The following RPS6KL1 variants were observed in gnomAD, a reference collection of about 807,000 sequenced individuals.
RPS6KL1 encodes the protein ribosomal protein S6 kinase-like 1.
In RPS6KL1, 41 loss-of-function variants were observed where a neutral mutation model predicts 57.0. The ratio of observed to expected loss-of-function variants is 0.72; its 90% CI spans 0.56 to 0.93. The LOEUF (loss-of-function observed/expected upper bound fraction) is 0.93, where lower values mean the gene tolerates loss of function less well. RPS6KL1 is among the 40% of genes least tolerant of loss of function. The pLI is 0.00. For synonymous variants in RPS6KL1, 287 were observed against 309.7 expected (o/e 0.93, Z 0.77); for missense variants, 697 against 727.7 (o/e 0.96, Z 0.49).
intron 10 of RPS6KL1, 72 bp from the exon 11 acceptor site, chr14:74,907,602 T>A: frequency 2.1e-6 from 3 of 1,412,650 alleles, no homozygotes; most frequent in Non-Finnish European, 2.8e-6. Context: ...GCAGCCAGGA[T>A]TTTTTTTCCC....
intron 2 of RPS6KL1, 154 bp downstream of exon 2, chr14:74,921,824 C>CTGGAT: frequency 9.8e-7 from 1 of 1,017,742 alleles, no homozygotes. Context: ...GTCACCCAGG[C>CTGGAT]TGGATTGCAG....
rs749978246 is a variant in RPS6KL1, at chr14:74,907,006, C to G, written c.*8G>C. On this transcript the variant is annotated 3_prime_UTR_variant, in exon 12 of 12. Transcript: ENST00000557413. ...AGGCCAGCTGCTTCCGTCACCCGCT[C>G]TGCCCTCTTACCCCACCAGCTTGCT... The G allele has an allele frequency of 8.8e-6, 14 of 1,599,192 alleles. No individual in the cohort carries two copies. Among genetic ancestry groups the G allele is most frequent in the Non-Finnish European group, 1.2e-5 (14 of 1,169,502 alleles).
rs1462490106 is a variant in RPS6KL1, at chr14:74,906,914, C to G, written c.*100G>C. On this transcript the variant is annotated 3_prime_UTR_variant, in exon 12 of 12. Coordinates refer to ENST00000557413, the MANE Select transcript of RPS6KL1 (RefSeq NM_031464.5). ...CAGACAGTGCCCTCCATTCCTCGCCCAAAGCCCGCTGATAGAGGGCCAGCC... is the reference window on the plus strand; with the variant it reads ...CAGACAGTGCCCTCCATTCCTCGCCGAAAGCCCGCTGATAGAGGGCCAGCC... 55 of 946,452 alleles carry G rather than the reference C, an allele frequency of 5.8e-5. No individual in the cohort carries two copies. Among genetic ancestry groups the G allele is most frequent in the Admixed American group, 1.8e-5 (1 of 57,038 alleles). The allele number at this position is 946,452 out of a possible 1,614,324, so 58.6% of individuals were successfully genotyped here.
Position 74,914,009 on chromosome 14 carries a change from G to A in RPS6KL1, c.484-2168C>T, listed in dbSNP as rs181186151. On this transcript the variant is annotated intron_variant, in intron 5 of 11. Coordinates refer to ENST00000557413, the MANE Select transcript of RPS6KL1 (RefSeq NM_031464.5). Reference sequence around the variant, plus strand: ...ACCTGAACCCAGACAGGCTGATCCCGGAGCCCTGCAGACTTTACTGGAACT... The same window carrying A: ...ACCTGAACCCAGACAGGCTGATCCCAGAGCCCTGCAGACTTTACTGGAACT... 2.9e-3 allele frequency among the ~76,000 whole-genome samples: 435 copies of A among 152,318 alleles called. 8 individuals are homozygous for A. The South Asian group carries it at 0.03, about 11-fold the overall frequency.
intron 2 of RPS6KL1, 180 bp from the exon 3 acceptor site, chr14:74,921,741 T>C (rs1001660455): frequency 1.1e-4 from 154 of 1,419,222 alleles, no homozygotes; most frequent in Non-Finnish European, 1.3e-4. Context: ...GTGGTAATGA[T>C]AGAATCATAA....
rs1884729268 is a variant in RPS6KL1, at chr14:74,905,928, T to A, written c.*1086A>T. The stretch of plus-strand genomic sequence containing the variant: ...CTCTAGTGGAAATTTCCCAGGTCGG[T>A]CCCACGCCCCGGTGACAGGGTGAAC... On this transcript the variant is annotated 3_prime_UTR_variant, in exon 12 of 12. Transcript: ENST00000557413. 1 of 153,212 alleles carries A rather than the reference T, an allele frequency of 6.5e-6. No individual in the cohort carries two copies. The highest frequency in any genetic ancestry group is 1.5e-5 in the Non-Finnish European group (1 of 68,792). 9.5% of individuals were successfully genotyped at this position (153,212 alleles called of 1,614,324 possible). A position where few individuals can be genotyped will look rare whatever the true frequency, so the allele number is the denominator to read the frequency against.
rs1170606058 is a variant in RPS6KL1, at chr14:74,909,894, T to C, written c.919A>G (p.Thr307Ala). Reference protein sequence around the residue: ...RPQREAEGEPTARTSTSGSSD... With the variant: ...RPQREAEGEPAARTSTSGSSD... ...GAGCCAGAGGTGCTGGTCCTGGCTGTGGGTTCACCTTCAGCCTCCCTCTGG... is the reference window on the plus strand; with the variant it reads ...GAGCCAGAGGTGCTGGTCCTGGCTGCGGGTTCACCTTCAGCCTCCCTCTGG... Residue 307 changes from threonine (T) to alanine (A), a missense_variant, in exon 8 of 12, where the codon ACA (threonine) becomes GCA (alanine). Physicochemically the swap from Thr to Ala is moderately conservative, Grantham distance 58. Transcript: ENST00000557413. The C allele has an allele frequency of 4.3e-6, 7 of 1,613,898 alleles. No individual in the cohort carries two copies. The East Asian group carries it at 1.3e-4, about 31-fold the overall frequency.
intron 4 of RPS6KL1, among the ~76,000 whole-genome samples, chr14:74,918,940 C>T (rs926872700): frequency 6.6e-5 from 10 of 152,180 alleles, no homozygotes; most frequent in Non-Finnish European, 1.3e-4. Flanking sequence ...CTTTGGGAGG[C>T]CGAGGCGGGC....
chr14:74,906,653 T>C lies in RPS6KL1; in HGVS notation c.*361A>G, dbSNP rs757155760. 3.8e-6 allele frequency: 2 copies of C among 529,496 alleles called. No individual in the cohort carries two copies. The highest frequency in any genetic ancestry group is 7.7e-6 in the Non-Finnish European group (2 of 260,648). The allele number at this position is 529,496 out of a possible 1,614,324, so 32.8% of individuals were successfully genotyped here. A position where few individuals can be genotyped will look rare whatever the true frequency, so the allele number is the denominator to read the frequency against. On this transcript the variant is annotated 3_prime_UTR_variant, in exon 12 of 12. Coordinates refer to ENST00000557413, the MANE Select transcript of RPS6KL1 (RefSeq NM_031464.5). ...GGGGCACAACATGGCAGTGAGTGAG[T>C]CACAGAACCTCACAGTAGGGTGCAG...
chr14:74,917,602 C>A (rs1244702787), intron 5 of RPS6KL1, among the ~76,000 whole-genome samples: 3 of 152,166 alleles, frequency 2.0e-5, no homozygotes, highest in Non-Finnish European at 2.9e-5. Flanking sequence ...TCTGATTTGA[C>A]CTCATTGTCT....
At chr14:74,914,420 A>C (rs374207422) in intron 5 of RPS6KL1, among the ~76,000 whole-genome samples, 15 of 152,356 alleles carry the variant, frequency 9.8e-5, no homozygotes, top group Admixed American at 6.5e-4. Context: ...CGAAGGAGGG[A>C]AGGCTGAGGA....
Position 74,921,018 on chromosome 14 carries a change from C to T in RPS6KL1, c.265+259G>A, listed in dbSNP as rs532468439. ...GTTCCTGTGTGCTTGGAACAACATA[C>T]AACAACATATATAGTAATTTCTATT... is the stretch of plus-strand genomic sequence containing the variant. On this transcript the variant is annotated intron_variant, in intron 3 of 11. Coordinates refer to ENST00000557413, the MANE Select transcript of RPS6KL1 (RefSeq NM_031464.5). Among the ~76,000 whole-genome samples, 10 of 152,318 alleles carry T rather than the reference C, an allele frequency of 6.6e-5. No homozygotes were observed. In the South Asian group the frequency reaches 1.9e-3, roughly 28 times the overall value.
At chr14:74,910,303 TC>T in intron 7 of RPS6KL1, 155 bp from the exon 8 acceptor site, 1 of 792,846 alleles carries the variant, frequency 1.3e-6, no homozygotes, top group Non-Finnish European at 1.8e-6. Flanking sequence ...CTCTGCTCCC[TC>T]CCACCCCTCA....
rs201453315 is a variant in RPS6KL1 at position 74,921,298 on chromosome 14, C to G, written c.244G>C (p.Val82Leu). ...TCACCGTGTATGCCACGGAGCAGCA[C>G]GTCCACGCCATTCTGATAGTGGTTG... ...AFNHYQNGVD[V>L]LLRGIHVDPN... is the part of the protein sequence containing the mutation. Residue 82 changes from valine to leucine, a missense_variant, in exon 3 of 12, where the codon GTG becomes CTG. Val to Leu is a conservative substitution (Grantham distance 32). Transcript: ENST00000557413. 6 of 1,613,894 alleles carry G rather than the reference C, an allele frequency of 3.7e-6. No individual in the cohort carries two copies. The highest frequency in any genetic ancestry group is 5.1e-6 in the Non-Finnish European group (6 of 1,179,946).
intron 6 of RPS6KL1, 102 bp downstream of exon 6, chr14:74,911,688 TGGGA>T (rs1287243554): frequency 2.8e-6 from 3 of 1,073,508 alleles, no homozygotes; most frequent in Non-Finnish European, 4.2e-6. Flanking sequence ...CCAGCTTTTG[TGGGA>T]GGGAGTGCAG....
chr14:74,921,171 G>A lies in RPS6KL1; in HGVS notation c.265+106C>T, dbSNP rs114758898. The A allele has an allele frequency of 2.5e-3, 2,516 of 996,240 alleles. 39 individuals carry two copies. In the African/African-American group the frequency reaches 0.035, roughly 14 times the overall value. 61.7% of individuals were successfully genotyped at this position (996,240 alleles called of 1,614,324 possible). On this transcript the variant is annotated intron_variant, in intron 3 of 11. Transcript: ENST00000557413. The stretch of plus-strand genomic sequence containing the variant: ...GCCCTGCAGGCCAGCATAGTGCCGT[G>A]CTCACTCAGTACAAATGGACAGGGG...
intron 5 of RPS6KL1, 116 bp downstream of exon 5, chr14:74,918,397 A>C: frequency 1.4e-6 from 1 of 703,206 alleles, no homozygotes; most frequent in African/African-American, 1.8e-5. Context: ...CCTCCTCTGG[A>C]GGAGTGGGGG....
intron 3 of RPS6KL1, among the ~76,000 whole-genome samples, chr14:74,920,197 C>T (rs1887597499): frequency 6.6e-6 from 1 of 152,232 alleles, no homozygotes; most frequent in African/African-American, 2.4e-5. Context: ...ACCAGGGTCA[C>T]TCCTCAGCAG....
intron 6 of RPS6KL1, chr14:74,911,589 G>C: frequency 1.7e-6 from 1 of 595,182 alleles, no homozygotes; most frequent in South Asian, 1.9e-5. Context: ...GTGCATGTGT[G>C]TTTGTGTGTA....
Sources: allele counts gnomAD v4.1 joint callset (sites outside exome capture counted in the v4.1 genomes callset), GRCh38; gene constraint gnomAD v4.1.1; transcripts MANE v1.5; gene names NCBI Gene and HGNC (gene_info 2026-07-23, HGNC 2026-07-21).